The following KIRREL2 variants were observed in gnomAD, a reference collection of about 807,000 sequenced individuals.
The protein encoded by KIRREL2 is kirre like nephrin family adhesion molecule 2.
Under a neutral mutation model 73.4 loss-of-function variants are expected in KIRREL2, and 56 were observed. That is an observed-to-expected ratio of 0.76 (90% CI 0.62 to 0.95). KIRREL2 has a LOEUF of 0.95. Ranked by LOEUF, KIRREL2 falls within the 40% of genes least tolerant of loss-of-function variation. The probability of loss-of-function intolerance (pLI) is 0.00; values close to 1 mark genes in which losing one functional copy is unlikely to be tolerated. For synonymous variants in KIRREL2, 407 were observed against 404.0 expected (o/e 1.01, Z -0.09); for missense variants, 896 against 935.0 (o/e 0.96, Z 0.54).
At position 35,857,552 on chromosome 19, in the gene KIRREL2, G is replaced by A; in HGVS notation, c.211+58G>A. 4.1e-6 allele frequency: 6 copies of A among 1,454,458 alleles called. No homozygotes were observed. In the South Asian group the frequency reaches 7.0e-5, roughly 17 times the overall value. 90.1% of individuals were successfully genotyped at this position (1,454,458 alleles called of 1,614,324 possible). ...GGCTAGGGGGAGAGTTGCTGGGCTC[G>A]GCTGTACCTGCAGTTTCTATTTTGA... On this transcript the variant is annotated intron_variant, in intron 2 of 14. Coordinates refer to ENST00000360202, the MANE Select transcript of KIRREL2 (RefSeq NM_199180.4).
At chr19:35,853,302 G>A (rs1294995516), upstream of KIRREL2, among the ~76,000 whole-genome samples, 1 of 152,148 alleles carries the variant, frequency 6.6e-6, no homozygotes, top group East Asian at 1.9e-4. Flanking sequence ...AGTGTCTTAC[G>A]TGGGAGTGCA....
At chr19:35,851,553 T>C (rs368676192), upstream of KIRREL2, 2 of 1,613,954 alleles carry the variant, frequency 1.2e-6, no homozygotes, top group South Asian at 1.1e-5. Context: ...TGCACCGCAC[T>C]GCCAGGGGTG....
At chr19:35,860,493 C>G in intron 6 of KIRREL2, 26 bp from the exon 7 acceptor site, 1 of 1,602,566 alleles carries the variant, frequency 6.2e-7, no homozygotes, top group Non-Finnish European at 8.5e-7. Flanking sequence ...GCCAGGACAA[C>G]GTTAACAGCG....
upstream of KIRREL2, among the ~76,000 whole-genome samples, chr19:35,852,739 C>T (rs1418710976): frequency 1.3e-5 from 2 of 152,130 alleles, no homozygotes; most frequent in African/African-American, 2.4e-5. Context: ...GCTGGGCCCC[C>T]AGCTCTTCCT....
At chr19:35,857,774 A>C (rs1029982450) in intron 2 of KIRREL2, among the ~76,000 whole-genome samples, 3 of 152,102 alleles carry the variant, frequency 2.0e-5, no homozygotes, top group African/African-American at 7.2e-5. Flanking sequence ...GCTTGAAACC[A>C]GGAGTTTGAG....
Position 35,860,959 on chromosome 19 carries a change from G to T in KIRREL2, c.979G>T (p.Glu327Ter). ...GGAGCCCGTGTCCGTGGACGTGGGG[G>T]AAGACGCTTCCTTCAGCTGCGCCTG... The part of the protein sequence containing the change: ...KPEPVSVDVG[E>*]DASFSCAWRG... The change falls in exon 8 of 15, where the codon GAA (glutamate) becomes TAA (stop). Residue 327 changes from glutamate to a stop codon, truncating the protein, a stop_gained. Transcript: ENST00000360202. LOFTEE classifies it high-confidence loss of function. The T allele has an allele frequency of 6.2e-7, 1 of 1,613,992 alleles. No individual in the cohort carries two copies. The highest frequency in any genetic ancestry group is 1.1e-5 in the South Asian group (1 of 91,084).
At position 35,858,828 on chromosome 19, in the gene KIRREL2, A is replaced by G. The variant is rs1973545422; in HGVS notation, c.486A>G (p.Arg162=). 6.2e-7 allele frequency: 1 copy of G among 1,613,986 alleles called. No individual in the cohort carries two copies. Among genetic ancestry groups the G allele is most frequent in the Non-Finnish European group, 8.5e-7 (1 of 1,180,034 alleles). The change falls in exon 4 of 15, where the codon CGA becomes CGG. Residue 162 remains arginine, a synonymous_variant. Coordinates refer to ENST00000360202, the MANE Select transcript of KIRREL2 (RefSeq NM_199180.4). ...CTACCCCTGAATTGCTGTGGTTCCG[A>G]GATGGGGTCCTGTTGGATGGAGCCA... The part of the protein sequence containing the change: ...ARPTPELLWF[R]DGVLLDGATF...
chr19:35,862,436 C>T (rs919059214), intron 11 of KIRREL2, 57 bp from the exon 12 acceptor site: 22 of 1,275,780 alleles, frequency 1.7e-5, no homozygotes, highest in Non-Finnish European at 2.4e-5. Context: ...AATCCCTGAG[C>T]CCCCGCTTCC....
chr19:35,861,703 C>A, intron 10 of KIRREL2, 62 bp downstream of exon 10: 2 of 1,586,522 alleles, frequency 1.3e-6, no homozygotes, highest in South Asian at 1.1e-5. Flanking sequence ...CCCACCTGGC[C>A]CCCCGAAACT....
At chr19:35,861,334 G>A in intron 9 of KIRREL2, 80 bp downstream of exon 9, 6 of 1,504,642 alleles carry the variant, frequency 4.0e-6, no homozygotes, top group Non-Finnish European at 5.3e-6. Flanking sequence ...CTAATGCAGT[G>A]GGAGTGGCCT....
chr19:35,866,213 C>T lies in KIRREL2; in HGVS notation c.1848C>T (p.Gly616=), dbSNP rs1004093966. 1.1e-5 allele frequency: 18 copies of T among 1,613,082 alleles called. No individual in the cohort carries two copies. Among genetic ancestry groups the T allele is most frequent in the African/African-American group, 2.7e-5 (2 of 74,976 alleles). ...VRGVSVSLSL[G]EAPGGGLFLP... is the part of the protein sequence containing the mutation. ...GAGTCAGTGTGAGCCTGAGCCTTGG[C>T]GAAGCCCCTGGAGGAGGTCTCTTCC... is the stretch of plus-strand genomic sequence containing the variant. The change falls in exon 15 of 15, where the codon GGC becomes GGT. Residue 616 remains glycine, a synonymous_variant. Transcript: ENST00000360202.
At chr19:35,861,380 G>C (rs1442400044) in intron 9 of KIRREL2, 126 bp downstream of exon 9, 7 of 1,480,648 alleles carry the variant, frequency 4.7e-6, no homozygotes, top group African/African-American at 2.8e-5. Context: ...GCTGGAGACC[G>C]GACCTATTGA....
chr19:35,861,049 A>C lies in KIRREL2; in HGVS notation c.1056+13A>C. 1 of 1,606,826 alleles carries C rather than the reference A, an allele frequency of 6.2e-7. No individual in the cohort carries two copies. The highest frequency in any genetic ancestry group is 8.5e-7 in the Non-Finnish European group (1 of 1,176,860). On this transcript the variant is annotated intron_variant, in intron 8 of 14. Coordinates refer to ENST00000360202, the MANE Select transcript of KIRREL2 (RefSeq NM_199180.4). ...CGGTGGCGCGCAGGTACAGCCCTAA[A>C]TCTGAGGCGGTGGCTGGAGGGGGAC...
chr19:35,859,431 G>A, intron 4 of KIRREL2, 50 bp from the exon 5 acceptor site: 1 of 1,547,798 alleles, frequency 6.5e-7, no homozygotes, highest in Non-Finnish European at 8.8e-7. Flanking sequence ...CCAAAAGATT[G>A]GACACCCCTG....
chr19:35,857,271 T>C, intron 1 of KIRREL2, 74 bp from the exon 2 acceptor site: 1 of 1,606,686 alleles, frequency 6.2e-7, no homozygotes, highest in South Asian at 1.1e-5. Flanking sequence ...AGCTGGGGGC[T>C]GGGACTCCTG....
chr19:35,860,753 C>G, intron 7 of KIRREL2, 86 bp downstream of exon 7: 1 of 1,584,506 alleles, frequency 6.3e-7, no homozygotes, highest in Non-Finnish European at 8.6e-7. Flanking sequence ...GGGGCGGGGC[C>G]GGGAGAGCGA....
chr19:35,855,962 C>A (rs1251389740), upstream of KIRREL2: 1 of 152,252 alleles, frequency 6.6e-6, no homozygotes, highest in South Asian at 2.1e-4. Flanking sequence ...TCCCTTATAA[C>A]CCTGTAAGTC....
At chr19:35,856,466 TC>T (rs894615103), upstream of KIRREL2, 12 of 157,308 alleles carry the variant, frequency 7.6e-5, no homozygotes, top group South Asian at 1.5e-3. The surrounding 1 kb of genome is among the most constrained non-coding windows in gnomAD (Gnocchi z 5.9). Context: ...GTCCCAACTG[TC>T]CCCCAGGTAT....
At chr19:35,852,120 G>C (rs1973285601), upstream of KIRREL2, among the ~76,000 whole-genome samples, 1 of 141,220 alleles carries the variant, frequency 7.1e-6, no homozygotes, top group Non-Finnish European at 1.5e-5. Flanking sequence ...TTAGAGACGG[G>C]GTCTCACTAT....
Sources: allele counts gnomAD v4.1 joint callset (sites outside exome capture counted in the v4.1 genomes callset), GRCh38; gene constraint gnomAD v4.1.1; non-coding constraint Gnocchi (gnomAD v3.1); transcripts MANE v1.5; gene names NCBI Gene and HGNC (gene_info 2026-07-23, HGNC 2026-07-21).